Variants in DYNC2H1 observed in about 807,000 individuals in gnomAD.
The protein encoded by DYNC2H1 is dynein cytoplasmic 2 heavy chain 1.
Under a neutral mutation model 570.0 loss-of-function variants are expected in DYNC2H1, and 410 were observed. That is an observed-to-expected ratio of 0.72 (90% CI 0.66 to 0.78). The LOEUF (loss-of-function observed/expected upper bound fraction) is 0.78. Ranked by LOEUF, DYNC2H1 falls within the 30% of genes least tolerant of loss-of-function variation. The pLI is 0.00. For missense variants in DYNC2H1, 4,865 were observed against 5,046.4 expected (o/e 0.96, Z 1.09); for synonymous variants, 1,688 against 1,677.6 (o/e 1.01, Z -0.15).
Position 103,144,474 on chromosome 11 carries a change from T to C in DYNC2H1, c.2702+1079T>C, listed in dbSNP as rs1212582269. Reference sequence around the variant, plus strand: ...CTGGGGCAAAATCAAGGAAAATCTTTGTTAGGATAGTAACACTGGAACTAG... The same window carrying C: ...CTGGGGCAAAATCAAGGAAAATCTTCGTTAGGATAGTAACACTGGAACTAG... On this transcript the variant is annotated intron_variant, in intron 18 of 88. Coordinates refer to ENST00000375735, the MANE Select transcript of DYNC2H1 (RefSeq NM_001377.3). Among the ~76,000 whole-genome samples, 8 of 152,204 alleles carry C rather than the reference T, an allele frequency of 5.3e-5. 1 individual carries two copies. The highest frequency in any genetic ancestry group is 5.2e-4 in the Admixed American group (8 of 15,278).
intron 82 of DYNC2H1, among the ~76,000 whole-genome samples, chr11:103,342,896 G>T (rs1337667061): frequency 6.6e-6 from 1 of 152,096 alleles, no homozygotes; most frequent in African/African-American, 2.4e-5. Context: ...TATCTTGGGG[G>T]CTTGTCTGGG....
At chr11:103,273,277 C>A (rs1451947299) in intron 70 of DYNC2H1, among the ~76,000 whole-genome samples, 2 of 151,862 alleles carry the variant, frequency 1.3e-5, no homozygotes, top group African/African-American at 4.8e-5. Context: ...GCAACCTCTG[C>A]CTCCTGAGCT....
At chr11:103,286,010 AG>A (rs897430372) in intron 73 of DYNC2H1, among the ~76,000 whole-genome samples, 4 of 152,222 alleles carry the variant, frequency 2.6e-5, no homozygotes, top group African/African-American at 7.2e-5. Context: ...TTTTACATAG[AG>A]AAAAGATTAA....
chr11:103,335,551 T>G (rs1037325365), intron 82 of DYNC2H1, among the ~76,000 whole-genome samples: 1 of 152,098 alleles, frequency 6.6e-6, no homozygotes, highest in African/African-American at 2.4e-5. Context: ...TGGGAACCTG[T>G]ACAAGGAATC....
intron 84 of DYNC2H1, among the ~76,000 whole-genome samples, chr11:103,423,932 A>G (rs1290997817): frequency 6.6e-6 from 1 of 152,156 alleles, no homozygotes; most frequent in African/African-American, 2.4e-5. Flanking sequence ...AGTACCCAAA[A>G]TGAAATTAAG....
rs1309524933 is a variant in DYNC2H1, at chr11:103,465,387, AT to A, written c.12649-3201del. On this transcript the variant is annotated intron_variant, in intron 87 of 88. Coordinates refer to ENST00000375735, the MANE Select transcript of DYNC2H1 (RefSeq NM_001377.3). The surrounding 1 kb of genome is among the most constrained non-coding windows in gnomAD (Gnocchi z 4.9). Reference sequence around the variant, plus strand: ...TATCACAAGAGTAAATACTTAAAAAATGTCAGACTTTCCAAAATCAAATTTT... The same window carrying A: ...TATCACAAGAGTAAATACTTAAAAAAGTCAGACTTTCCAAAATCAAATTTT... 6.6e-6 allele frequency among the ~76,000 whole-genome samples: 1 copy of A among 152,194 alleles called. No individual in the cohort carries two copies. Among genetic ancestry groups the A allele is most frequent in the African/African-American group, 2.4e-5 (1 of 41,470 alleles).
rs750166049 is a variant in DYNC2H1, at chr11:103,201,210, T to C, written c.8197+1056T>C. 6.6e-6 allele frequency among the ~76,000 whole-genome samples: 1 copy of C among 152,162 alleles called. No homozygotes were observed. The highest frequency in any genetic ancestry group is 2.4e-5 in the African/African-American group (1 of 41,438). On this transcript the variant is annotated intron_variant, in intron 50 of 88. Transcript: ENST00000375735. This position sits in a 1 kb window ranked among gnomAD's most constrained non-coding sequence, Gnocchi z 4.8. ...ATATGTACTTTATGCATCTGTATAA[T>C]AGAAAAATACCACTTGAAAGAGGAC...
intron 84 of DYNC2H1, chr11:103,407,728 A>C (rs967716592): frequency 6.6e-6 from 1 of 151,952 alleles, no homozygotes; most frequent in Non-Finnish European, 1.5e-5. Context: ...GAAGAGGGCA[A>C]ATGAACCTGC....
chr11:103,229,431 A>C (rs1375961796), intron 59 of DYNC2H1, among the ~76,000 whole-genome samples: 1 of 152,120 alleles, frequency 6.6e-6, no homozygotes, highest in African/African-American at 2.4e-5. Context: ...ATTATCTATT[A>C]ATTTCATACT....
chr11:103,187,693 A>G, intron 43 of DYNC2H1, 107 bp downstream of exon 43: 2 of 1,364,258 alleles, frequency 1.5e-6, no homozygotes, highest in African/African-American at 2.9e-5. Flanking sequence ...TTTATCTAGC[A>G]TTTGTCATGG....
chr11:103,187,652 A>G (rs1413004344), intron 43 of DYNC2H1, 66 bp downstream of exon 43: 7 of 1,555,932 alleles, frequency 4.5e-6, no homozygotes, highest in Non-Finnish European at 6.1e-6. Flanking sequence ...AACTTTTCTT[A>G]GAAAATATTC....
At chr11:103,453,627 T>TATATAC in intron 85 of DYNC2H1, among the ~76,000 whole-genome samples, 1 of 106,018 alleles carries the variant, frequency 9.4e-6, no homozygotes, top group Middle Eastern at 5.6e-3. Context: ...TATATATATA[T>TATATAC]ATATATATAT....
chr11:103,284,313 C>A (rs965277478), intron 73 of DYNC2H1, among the ~76,000 whole-genome samples: 1 of 152,094 alleles, frequency 6.6e-6, no homozygotes, highest in Non-Finnish European at 1.5e-5. Flanking sequence ...AGTCTCTTTT[C>A]GCCTATTGCT....
At chr11:103,327,954 T>C (rs562994513) in intron 82 of DYNC2H1, among the ~76,000 whole-genome samples, 1 of 152,314 alleles carries the variant, frequency 6.6e-6, no homozygotes, top group South Asian at 2.1e-4. Context: ...ATTCCACCCT[T>C]ATCTTAACTA....
At chr11:103,380,004 A>G (rs1941572710) in intron 83 of DYNC2H1, among the ~76,000 whole-genome samples, 1 of 152,250 alleles carries the variant, frequency 6.6e-6, no homozygotes, top group Non-Finnish European at 1.5e-5. Flanking sequence ...TTCAAATGAA[A>G]GAACTTAAGA....
rs1279021982 is a variant in DYNC2H1 at position 103,334,854 on chromosome 11, T to C, written c.12039+10864T>C. 1.3e-5 allele frequency among the ~76,000 whole-genome samples: 2 copies of C among 152,074 alleles called. No homozygotes were observed. Among genetic ancestry groups the C allele is most frequent in the African/African-American group, 4.8e-5 (2 of 41,434 alleles). On this transcript the variant is annotated intron_variant, in intron 82 of 88. Coordinates refer to ENST00000375735, the MANE Select transcript of DYNC2H1 (RefSeq NM_001377.3). This position sits in a 1 kb window ranked among gnomAD's most constrained non-coding sequence, Gnocchi z 4.3. Reference sequence around the variant, plus strand: ...ACAAAGATTGCTGTGGAGTAATCTTTCCACATGCTGCAGAGAGAAGGGTAT... The same window carrying C: ...ACAAAGATTGCTGTGGAGTAATCTTCCCACATGCTGCAGAGAGAAGGGTAT...
chr11:103,263,067 C>T (rs1254904671), intron 70 of DYNC2H1, among the ~76,000 whole-genome samples: 2 of 145,226 alleles, frequency 1.4e-5, no homozygotes, highest in East Asian at 2.0e-4. Context: ...CAATCCTAGT[C>T]TCTGACAAAA....
chr11:103,229,085 C>T (rs1863905297), intron 59 of DYNC2H1, among the ~76,000 whole-genome samples: 1 of 152,202 alleles, frequency 6.6e-6, no homozygotes, highest in East Asian at 1.9e-4. Context: ...GTCTCACTCC[C>T]ACCATGCCCC....
chr11:103,453,639 T>TATATATATATATATATATATAC (rs1944686902), intron 85 of DYNC2H1, among the ~76,000 whole-genome samples: 1 of 103,240 alleles, frequency 9.7e-6, no homozygotes, highest in African/African-American at 3.6e-5. Context: ...TATATATATA[T>TATATATATATATATATATATAC]ATACACACAT....
Sources: allele counts gnomAD v4.1 joint callset (sites outside exome capture counted in the v4.1 genomes callset), GRCh38; gene constraint gnomAD v4.1.1; non-coding constraint Gnocchi (gnomAD v3.1); transcripts MANE v1.5; gene names NCBI Gene and HGNC (gene_info 2026-07-23, HGNC 2026-07-21).